The following ANKS1B variants were observed in gnomAD, a reference collection of about 807,000 sequenced individuals.
The protein encoded by ANKS1B is ankyrin repeat and sterile alpha motif domain-containing protein 1B.
ANKS1B carries 36 observed loss-of-function variants against 148.3 expected under a neutral mutation model. That is an observed-to-expected ratio of 0.24 (90% CI 0.19 to 0.32). ANKS1B has a LOEUF of 0.32. Among genes scored for constraint, ANKS1B ranks in the 10% least tolerant of loss-of-function variants. The probability of loss-of-function intolerance (pLI) is 1.00; values close to 1 mark genes in which losing one functional copy is unlikely to be tolerated. For missense variants in ANKS1B, 1,157 were observed against 1,542.6 expected, an observed-to-expected ratio of 0.75 and a Z score of 4.19; for synonymous variants, 542 against 560.8, an observed-to-expected ratio of 0.97 and a Z score of 0.47.
intron 26 of ANKS1B, 106 bp from the exon 27 acceptor site, chr12:98,745,955 G>T: frequency 7.9e-7 from 1 of 1,263,958 alleles, no homozygotes; most frequent in Non-Finnish European, 1.1e-6. Context: ...CCCCAGGCGC[G>T]GGGCGGCGAT....
chr12:99,191,748 C>T (rs773308425), intron 14 of ANKS1B, among the ~76,000 whole-genome samples: 1 of 152,058 alleles, frequency 6.6e-6, no homozygotes, highest in African/African-American at 2.4e-5. Flanking sequence ...ATGTAGATGA[C>T]GGGTTGATGG....
At chr12:99,573,580 C>T (rs1303614782) in intron 9 of ANKS1B, among the ~76,000 whole-genome samples, 1 of 152,076 alleles carries the variant, frequency 6.6e-6, no homozygotes, top group Non-Finnish European at 1.5e-5. Context: ...CCTGCCTATT[C>T]AGAGCAGCTT....
chr12:99,215,247 G>T (rs2083981599), intron 14 of ANKS1B, among the ~76,000 whole-genome samples: 1 of 152,176 alleles, frequency 6.6e-6, no homozygotes, highest in South Asian at 2.1e-4. Context: ...AATTTCAGAG[G>T]ATTTACGGAA....
intron 9 of ANKS1B, among the ~76,000 whole-genome samples, chr12:99,623,874 C>A (rs540611703): frequency 3.9e-4 from 59 of 151,702 alleles, no homozygotes; most frequent in African/African-American, 1.4e-3. Context: ...AAACTACCAA[C>A]ATTATTTTTC....
intron 9 of ANKS1B, chr12:99,649,980 G>A (rs2291974): frequency 0.19 from 29,058 of 152,798 alleles, 2,979 homozygotes; most frequent in East Asian, 0.45. Context: ...ATGGTGCAGA[G>A]GTGGACATCT....
intron 15 of ANKS1B, among the ~76,000 whole-genome samples, chr12:99,119,180 A>G (rs2153721031): frequency 6.6e-6 from 1 of 152,300 alleles, no homozygotes; most frequent in Non-Finnish European, 1.5e-5. Context: ...GTATCTTATA[A>G]AATAGATGGA....
At position 98,986,017 on chromosome 12, in the gene ANKS1B, A is replaced by G. The variant is rs191877822; in HGVS notation, c.2778+67140T>C. On this transcript the variant is annotated intron_variant, in intron 17 of 26. Transcript: ENST00000683438. ...GCTGGTTATAGAATTCAGAGTTGAC[A>G]GTTCTTTTTTCTTTTAGCACTTTAA... 2.4e-3 allele frequency among the ~76,000 whole-genome samples: 369 copies of G among 152,262 alleles called. 1 individual carries two copies. Among genetic ancestry groups the G allele is most frequent in the African/African-American group, 8.6e-3 (356 of 41,570 alleles).
Position 99,379,266 on chromosome 12 carries a change from T to C in ANKS1B, c.1756+20365A>G, listed in dbSNP as rs552996989. ...TCACAAATGTGATATAAAGAGATAA[T>C]TGAGAGGCAGAATAATGTGTTGGTC... On this transcript the variant is annotated intron_variant, in intron 12 of 26. Transcript: ENST00000683438. 1.1e-4 allele frequency among the ~76,000 whole-genome samples: 16 copies of C among 152,302 alleles called. No homozygotes were observed. In the South Asian group the frequency reaches 2.3e-3, roughly 22 times the overall value.
chr12:99,349,526 T>C (rs2091153575), intron 12 of ANKS1B, among the ~76,000 whole-genome samples: 1 of 151,594 alleles, frequency 6.6e-6, no homozygotes, highest in South Asian at 2.1e-4. Context: ...AAAGCTGGAG[T>C]GGCCACACTA....
intron 8 of ANKS1B, among the ~76,000 whole-genome samples, chr12:99,662,571 G>T (rs2153455411): frequency 6.6e-6 from 1 of 152,264 alleles, no homozygotes; most frequent in African/African-American, 2.4e-5. Flanking sequence ...AGTTCTAAGA[G>T]GAACCAATGT....
chr12:99,832,693 C>T (rs1434688027), intron 1 of ANKS1B, among the ~76,000 whole-genome samples: 3 of 150,708 alleles, frequency 2.0e-5, no homozygotes, highest in Non-Finnish European at 4.4e-5. Flanking sequence ...CACTGTACTC[C>T]AGCCTGGATG....
At chr12:98,858,531 G>A (rs902198831) in intron 17 of ANKS1B, among the ~76,000 whole-genome samples, 1 of 152,098 alleles carries the variant, frequency 6.6e-6, no homozygotes, top group African/African-American at 2.4e-5. Context: ...GTAGAGATGG[G>A]GTTTCGTCAT....
At chr12:99,532,019 G>T (rs1040710003) in intron 9 of ANKS1B, among the ~76,000 whole-genome samples, 7 of 150,590 alleles carry the variant, frequency 4.6e-5, no homozygotes, top group African/African-American at 1.7e-4. Flanking sequence ...TGTTCATATT[G>T]CTTGTCTACT....
rs2097840832 is a variant in ANKS1B at position 98,744,470 on chromosome 12, A to C, written c.*1269T>G. Reference sequence around the variant, plus strand: ...TGATTGTTAGAACAATATACATTAAAATGTTATTTTTTTCTATAATGATAT... The same window carrying C: ...TGATTGTTAGAACAATATACATTAACATGTTATTTTTTTCTATAATGATAT... On this transcript the variant is annotated 3_prime_UTR_variant, in exon 27 of 27. Transcript: ENST00000683438. 1 of 691,506 alleles carries C rather than the reference A, an allele frequency of 1.4e-6. No individual in the cohort carries two copies. Among genetic ancestry groups the C allele is most frequent in the Admixed American group, 6.3e-5 (1 of 15,890 alleles). 42.8% of individuals were successfully genotyped at this position (691,506 alleles called of 1,614,324 possible).
At chr12:99,380,995 T>C (rs1031176090) in intron 12 of ANKS1B, among the ~76,000 whole-genome samples, 1 of 152,036 alleles carries the variant, frequency 6.6e-6, no homozygotes, top group Admixed American at 6.6e-5. Flanking sequence ...GAGGAGAGGA[T>C]ACAGAGACCC....
intron 18 of ANKS1B, 111 bp downstream of exon 18, chr12:98,831,918 T>G: frequency 2.0e-6 from 2 of 1,011,164 alleles, no homozygotes; most frequent in Non-Finnish European, 3.0e-6. Flanking sequence ...CCTGGCTAAA[T>G]TTTTTCTGTT....
chr12:98,735,224 G>A (rs1000823614), exon 10 of ANKS1B: 2 of 398,958 alleles, frequency 5.0e-6, no homozygotes, highest in Non-Finnish European at 8.8e-6. Flanking sequence ...CATTTCTAAA[G>A]CATTTTCCCT....
In ANKS1B at chr12:99,825,447, C is replaced by A; in HGVS notation, c.135-58G>T. 7.2e-6 allele frequency: 10 copies of A among 1,384,356 alleles called. No homozygotes were observed. The Admixed American group carries it at 1.2e-4, about 17-fold the overall frequency. The allele number at this position is 1,384,356 out of a possible 1,614,324, so 85.8% of individuals were successfully genotyped here. ...TGAAGCCAGATCTTGCCTTGAAAAA[C>A]AAAAAGAAGGCTGGTAGCCCCACAG... On this transcript the variant is annotated intron_variant, in intron 1 of 26. Transcript: ENST00000683438.
intron 10 of ANKS1B, among the ~76,000 whole-genome samples, chr12:99,452,750 C>G (rs1201863773): frequency 1.3e-5 from 2 of 152,178 alleles, no homozygotes; most frequent in African/African-American, 4.8e-5. Context: ...ACACATTTTA[C>G]TTTCTCTAGT....
Sources: gnomAD v4.1 joint callset for allele counts (sites outside exome capture counted in the v4.1 genomes callset) on GRCh38, gnomAD v4.1.1 for gene constraint, MANE v1.5 for transcripts, NCBI Gene and HGNC (gene_info 2026-07-23, HGNC 2026-07-21) for gene names.